ANGPTL2: variants seen among roughly 807,000 people sequenced by gnomAD.
ANGPTL2 encodes the protein angiopoietin-related protein 2.
A neutral mutation model predicts 52.8 loss-of-function variants in ANGPTL2; 25 were observed. The observed-to-expected ratio is 0.47, with a 90% CI of 0.35 to 0.66. The LOEUF (loss-of-function observed/expected upper bound fraction) is 0.66. Ranked by LOEUF, ANGPTL2 falls within the 30% of genes least tolerant of loss-of-function variation. The pLI, the probability that ANGPTL2 is intolerant of heterozygous loss-of-function variation, is 0.01. For synonymous variants in ANGPTL2, 276 were observed against 277.4 expected, an observed-to-expected ratio of 1.00 and a Z score of 0.05; for missense variants, 546 against 656.9, an observed-to-expected ratio of 0.83 and a Z score of 1.84.
chr9:127,104,687 C>T (rs533538359), intron 2 of ANGPTL2, among the ~76,000 whole-genome samples: 1 of 152,332 alleles, frequency 6.6e-6, no homozygotes, highest in African/African-American at 2.4e-5. Context: ...GCTTGTGGTA[C>T]AGCTTCAGAT....
intron 1 of ANGPTL2, among the ~76,000 whole-genome samples, chr9:127,113,218 A>C (rs1025971141): frequency 6.6e-6 from 1 of 152,226 alleles, no homozygotes; most frequent in Non-Finnish European, 1.5e-5. Context: ...TTGCAACCCA[A>C]ACAGGCTCAG....
At chr9:127,106,737 T>C (rs1344731895) in intron 2 of ANGPTL2, among the ~76,000 whole-genome samples, 1 of 152,190 alleles carries the variant, frequency 6.6e-6, no homozygotes, top group Non-Finnish European at 1.5e-5. Flanking sequence ...CTGAAAACAA[T>C]GCTGCCCTTG....
intron 1 of ANGPTL2, among the ~76,000 whole-genome samples, chr9:127,118,304 AAC>A (rs1342354342): frequency 6.6e-6 from 1 of 152,222 alleles, no homozygotes; most frequent in African/African-American, 2.4e-5. Flanking sequence ...CATGTGAAAG[AAC>A]ACAGTTTTGT....
intron 2 of ANGPTL2, among the ~76,000 whole-genome samples, chr9:127,096,889 C>G (rs2053197546): frequency 6.6e-6 from 1 of 152,200 alleles, no homozygotes; most frequent in African/African-American, 2.4e-5. Context: ...AGGTGACCCT[C>G]CTGACACTCC....
chr9:127,112,427 T>G (rs938006623), intron 1 of ANGPTL2, among the ~76,000 whole-genome samples: 1 of 152,260 alleles, frequency 6.6e-6, no homozygotes, highest in African/African-American at 2.4e-5. Flanking sequence ...CACCTCTCTG[T>G]GCCCATGTGG....
intron 4 of ANGPTL2, among the ~76,000 whole-genome samples, chr9:127,089,417 C>T (rs1038408391): frequency 2.6e-5 from 4 of 152,196 alleles, no homozygotes; most frequent in African/African-American, 7.2e-5. Flanking sequence ...TGACGCCTGC[C>T]GCACAGGGCG....
At position 127,091,624 on chromosome 9, in the gene ANGPTL2, C is replaced by T. The variant is rs1451704084; in HGVS notation, c.1282+46G>A. 2.5e-6 allele frequency: 4 copies of T among 1,589,410 alleles called. No homozygotes were observed. Among genetic ancestry groups the T allele is most frequent in the Non-Finnish European group, 3.4e-6 (4 of 1,166,430 alleles). On this transcript the variant is annotated intron_variant, in intron 4 of 4. Coordinates refer to ENST00000373425, the MANE Select transcript of ANGPTL2 (RefSeq NM_012098.3). This position sits in a 1 kb window ranked among gnomAD's most constrained non-coding sequence, Gnocchi z 4.3. ...AGTCAGGGGCTCTGGCTCTGGTTGA[C>T]CTCTTTTCCCTACCCTGCACCTGGG...
At chr9:127,108,851 C>G (rs1589525902) in intron 1 of ANGPTL2, 71 bp from the exon 2 acceptor site, 3 of 1,133,370 alleles carry the variant, frequency 2.6e-6, no homozygotes, top group Admixed American at 5.6e-5. Flanking sequence ...TCAGTGATCC[C>G]AGCCTTCTCG....
intron 2 of ANGPTL2, among the ~76,000 whole-genome samples, chr9:127,098,831 A>G (rs2053431001): frequency 6.6e-6 from 1 of 152,218 alleles, no homozygotes; most frequent in Admixed American, 6.5e-5. Flanking sequence ...CCAGGCAAGC[A>G]TAACTTCCTA....
intron 4 of ANGPTL2, among the ~76,000 whole-genome samples, 179 bp from the exon 5 acceptor site, chr9:127,089,317 A>G (rs991937621): frequency 6.6e-6 from 1 of 152,230 alleles, no homozygotes; most frequent in African/African-American, 2.4e-5. Context: ...TTTGAGGCTC[A>G]GCTTTGTAAC....
At position 127,107,974 on chromosome 9, in the gene ANGPTL2, G is replaced by C. The variant is rs754227811; in HGVS notation, c.758C>G (p.Pro253Arg). The stretch of plus-strand genomic sequence containing the variant: ...GAGAGTGGGCATAGTGGGCAGAGGG[G>C]GTGGCAGCACCTTCAGGTTCTGGTC... ...QSDQNLKVLP[P>R]PLPTMPTLTS... The change falls in exon 2 of 5, where the codon CCC becomes CGC. Residue 253 changes from proline (P) to arginine (R), a missense_variant. Around this residue, in one of 2 missense-constraint regions of ANGPTL2, gnomAD observed 261 missense variants for 361.0 expected, o/e 0.72. Coordinates refer to ENST00000373425, the MANE Select transcript of ANGPTL2 (RefSeq NM_012098.3). The C allele has an allele frequency of 6.3e-7, 1 of 1,574,910 alleles. No homozygotes were observed. Among genetic ancestry groups the C allele is most frequent in the Admixed American group, 1.7e-5 (1 of 58,370 alleles).
chr9:127,113,704 G>C (rs1662282684), intron 1 of ANGPTL2, among the ~76,000 whole-genome samples: 1 of 152,198 alleles, frequency 6.6e-6, no homozygotes, highest in Non-Finnish European at 1.5e-5. Context: ...TCACGCATGG[G>C]TTTTCCCTCC....
intron 2 of ANGPTL2, among the ~76,000 whole-genome samples, chr9:127,105,604 G>A (rs2054141949): frequency 6.6e-6 from 1 of 152,124 alleles, no homozygotes; most frequent in African/African-American, 2.4e-5. Context: ...GTCCCCCAGG[G>A]CACTTAGCAC....
At chr9:127,101,970 G>C (rs997111288) in intron 2 of ANGPTL2, among the ~76,000 whole-genome samples, 10 of 152,002 alleles carry the variant, frequency 6.6e-5, no homozygotes, top group African/African-American at 2.4e-4. Flanking sequence ...GGCTCATCTT[G>C]AGATATAAGA....
At chr9:127,095,565 C>G (rs997022861) in intron 2 of ANGPTL2, among the ~76,000 whole-genome samples, 1 of 152,226 alleles carries the variant, frequency 6.6e-6, no homozygotes, top group African/African-American at 2.4e-5. Context: ...AAGCTCAGGG[C>G]AGGGTGGGGC....
At chr9:127,107,887 C>T in intron 2 of ANGPTL2, 28 bp downstream of exon 2, 1 of 1,515,318 alleles carries the variant, frequency 6.6e-7, no homozygotes, top group Non-Finnish European at 8.9e-7. Context: ...CTGAGACCCA[C>T]ATGTAACACG....
rs766543049 is a variant in ANGPTL2, at chr9:127,088,992, A to C, written c.1429T>G (p.Ser477Ala). The change falls in exon 5 of 5, where the codon TCA becomes GCA. Residue 477 changes from serine to alanine, a missense_variant. This residue lies in a region of ANGPTL2 where 261 missense variants were observed against 361.0 expected (regional missense o/e 0.72). Transcript: ENST00000373425. ...YWAEFRGGSY[S>A]LKKVVMMIRP... Reference sequence around the variant, plus strand: ...ATCATCATCACCACTTTCTTGAGTGAGTAAGAGCCTCCTCGGAACTCAGCC... The same window carrying C: ...ATCATCATCACCACTTTCTTGAGTGCGTAAGAGCCTCCTCGGAACTCAGCC... 3 of 1,614,058 alleles carry C rather than the reference A, an allele frequency of 1.9e-6. No individual in the cohort carries two copies. In the African/African-American group the frequency reaches 4.0e-5, roughly 22 times the overall value.
At chr9:127,098,811 G>A (rs577296565) in intron 2 of ANGPTL2, among the ~76,000 whole-genome samples, 2 of 152,280 alleles carry the variant, frequency 1.3e-5, no homozygotes, top group South Asian at 4.1e-4. Context: ...AGTTAGAACC[G>A]GCACCTAGGC....
At position 127,091,542 on chromosome 9, in the gene ANGPTL2, C is replaced by T; in HGVS notation, c.1282+128G>A. The stretch of plus-strand genomic sequence containing the variant: ...GACCCTCAGGGGGTGGTAACAGGGT[C>T]AGGCAGCTTGGCCCAGCTGCTTCTC... On this transcript the variant is annotated intron_variant, in intron 4 of 4. Transcript: ENST00000373425. The surrounding 1 kb of genome is among the most constrained non-coding windows in gnomAD (Gnocchi z 4.3). 2 of 1,307,270 alleles carry T rather than the reference C, an allele frequency of 1.5e-6. No individual in the cohort carries two copies. The highest frequency in any genetic ancestry group is 2.1e-6 in the Non-Finnish European group (2 of 953,546). The allele number at this position is 1,307,270 out of a possible 1,614,324, so 81.0% of individuals were successfully genotyped here.
Sources: allele counts gnomAD v4.1 joint callset (sites outside exome capture counted in the v4.1 genomes callset), GRCh38; gene constraint gnomAD v4.1.1; regional missense constraint gnomAD v4.1.1; non-coding constraint Gnocchi (gnomAD v3.1); transcripts MANE v1.5; gene names NCBI Gene and HGNC (gene_info 2026-07-23, HGNC 2026-07-21).